Variants in HEATR5B observed in about 807,000 individuals in gnomAD.
HEATR5B encodes the protein HEAT repeat containing 5B.
A neutral mutation model predicts 224.1 loss-of-function variants in HEATR5B; 156 were observed. The ratio of observed to expected loss-of-function variants is 0.70; its 90% CI spans 0.61 to 0.80. The LOEUF (loss-of-function observed/expected upper bound fraction) is 0.80, where lower values mean the gene tolerates loss of function less well. HEATR5B is among the 30% of genes least tolerant of loss of function. HEATR5B has a pLI of 0.00. For synonymous variants in HEATR5B, 1,027 were observed against 893.0 expected, an observed-to-expected ratio of 1.15 and a Z score of -2.68; for missense variants, 2,323 against 2,535.5, an observed-to-expected ratio of 0.92 and a Z score of 1.80.
intron 11 of HEATR5B, among the ~76,000 whole-genome samples, chr2:37,061,178 C>T (rs950377187): frequency 9.2e-5 from 14 of 152,038 alleles, no homozygotes; most frequent in African/African-American, 3.4e-4. Context: ...GTTTTGGGGG[C>T]AATTTATGTG....
At chr2:37,071,300 G>C (rs1473277220) in intron 6 of HEATR5B, among the ~76,000 whole-genome samples, 1 of 152,206 alleles carries the variant, frequency 6.6e-6, no homozygotes, top group Non-Finnish European at 1.5e-5. Flanking sequence ...AGGTGGGGTA[G>C]AGGTAGGGAC....
At chr2:37,063,174 A>C (rs563461296) in intron 10 of HEATR5B, among the ~76,000 whole-genome samples, 1 of 152,232 alleles carries the variant, frequency 6.6e-6, no homozygotes, top group Non-Finnish European at 1.5e-5. Context: ...GCTAATAATG[A>C]CAGCATTTAT....
intron 24 of HEATR5B, among the ~76,000 whole-genome samples, chr2:37,026,503 G>A (rs769499003): frequency 6.6e-6 from 1 of 152,134 alleles, no homozygotes; most frequent in Non-Finnish European, 1.5e-5. Context: ...TGGCTTTATA[G>A]GAAATGAATA....
At chr2:37,018,058 C>G (rs1274716810) in intron 26 of HEATR5B, among the ~76,000 whole-genome samples, 3 of 151,906 alleles carry the variant, frequency 2.0e-5, no homozygotes, top group Non-Finnish European at 4.4e-5. Context: ...ATCATTAAGC[C>G]AACTCCTTAC....
chr2:37,051,079 C>T (rs192180094), intron 17 of HEATR5B, among the ~76,000 whole-genome samples: 14 of 149,956 alleles, frequency 9.3e-5, no homozygotes, highest in East Asian at 5.9e-4. Flanking sequence ...ATGAGGTGGC[C>T]GGGTGCAGTG....
In HEATR5B at chr2:37,076,997, C is replaced by T. The variant is rs1672275490; in HGVS notation, c.361G>A (p.Ala121Thr). The T allele has an allele frequency of 6.2e-7, 1 of 1,613,874 alleles. No homozygotes were observed. The highest frequency in any genetic ancestry group is 1.1e-5 in the South Asian group (1 of 91,080). The change falls in exon 4 of 36, where the codon GCA becomes ACA. Residue 121 changes from alanine to threonine, a missense_variant. By Grantham distance (58) the Ala-to-Thr change is moderately conservative. Around this residue, in one of 12 missense-constraint regions of HEATR5B, gnomAD observed 292 missense variants for 332.6 expected, o/e 0.88. Coordinates refer to ENST00000233099, the MANE Select transcript of HEATR5B (RefSeq NM_019024.3). ...ATTCTCCCCATTTTTTCATAAAATG[C>T]TCCGACACAAGCCACCGCAGCCCTG... ...TKLAAVACVG[A>T]FYEKMGRMLG...
In HEATR5B at chr2:37,007,182, ACT is replaced by A; in HGVS notation, c.4643_4644del (p.Glu1548ValfsTer28). ...CCAGATATTGCTGCTGCTTCTGTAG[ACT>A]CTGAGCACGTAAATCCTGTGCTATT... ...WLNSTGFTCS[E>X]STEAAAISGL... On this transcript the variant is annotated frameshift_variant, in exon 29 of 36. Coordinates refer to ENST00000233099, the MANE Select transcript of HEATR5B (RefSeq NM_019024.3). LOFTEE classifies it high-confidence loss of function. 6.2e-7 allele frequency: 1 copy of A among 1,613,984 alleles called. No homozygotes were observed. The highest frequency in any genetic ancestry group is 8.5e-7 in the Non-Finnish European group (1 of 1,179,992).
chr2:37,040,561 C>A lies in HEATR5B; in HGVS notation c.2857-43G>T. Reference sequence around the variant, plus strand: ...TTCATTTTAGTTGTAAGGAAGAATTCGAATGTACTGAATTGAGTATACTGA... The same window carrying A: ...TTCATTTTAGTTGTAAGGAAGAATTAGAATGTACTGAATTGAGTATACTGA... On this transcript the variant is annotated intron_variant, in intron 19 of 35. Transcript: ENST00000233099. The A allele has an allele frequency of 2.1e-6, 3 of 1,425,496 alleles. No individual in the cohort carries two copies. In the South Asian group the frequency reaches 3.8e-5, roughly 18 times the overall value. 88.3% of individuals were successfully genotyped at this position (1,425,496 alleles called of 1,614,324 possible).
rs1666127252 is a variant in HEATR5B, at chr2:36,988,856, G to C, written c.5701C>G (p.Gln1901Glu). The change falls in exon 35 of 36, where the codon CAA (glutamine) becomes GAA (glutamate). Residue 1901 changes from glutamine to glutamate, a missense_variant. Physicochemically the swap from Gln to Glu is conservative, Grantham distance 29. This residue lies in a region of HEATR5B where 844 missense variants were observed against 812.9 expected (regional missense o/e 1.04). Transcript: ENST00000233099. ...NALNSCDPWV[Q>E]AKCYQLLLSV... ...AGGAGAAGCTGGTAACATTTGGCTT[G>C]AACCTATATAAGAAGAACATATTAT... is the stretch of plus-strand genomic sequence containing the variant. 6.2e-7 allele frequency: 1 copy of C among 1,612,028 alleles called. No individual in the cohort carries two copies. Among genetic ancestry groups the C allele is most frequent in the African/African-American group, 1.3e-5 (1 of 74,858 alleles).
intron 33 of HEATR5B, among the ~76,000 whole-genome samples, chr2:36,999,204 G>A (rs1292922935): frequency 1.3e-5 from 2 of 151,978 alleles, no homozygotes; most frequent in African/African-American, 4.8e-5. Context: ...TGGCAACAGA[G>A]CGAGACGCCA....
At chr2:36,996,807 G>T (rs192836329) in intron 33 of HEATR5B, among the ~76,000 whole-genome samples, 1 of 152,184 alleles carries the variant, frequency 6.6e-6, no homozygotes, top group Non-Finnish European at 1.5e-5. Context: ...GGTCAGGCTG[G>T]TCTTGAACTC....
chr2:37,043,012 TTGA>T (rs1336577246), intron 18 of HEATR5B, among the ~76,000 whole-genome samples: 6 of 151,848 alleles, frequency 4.0e-5, no homozygotes, highest in African/African-American at 1.5e-4. Flanking sequence ...CTGAAGAGTA[TTGA>T]TGATTAACAG....
intron 30 of HEATR5B, 44 bp from the exon 31 acceptor site, chr2:37,003,730 A>C: frequency 7.8e-5 from 107 of 1,373,586 alleles, no homozygotes; most frequent in Non-Finnish European, 9.8e-5. Context: ...TTTCAATCTC[A>C]AAGAATAACT....
chr2:37,032,889 T>G lies in HEATR5B; in HGVS notation c.3217-116A>C, dbSNP rs533223096. 2.5e-4 allele frequency: 236 copies of G among 945,758 alleles called. 3 individuals are homozygous for G. Among genetic ancestry groups the G allele is most frequent in the Middle Eastern group, 1.8e-3 (5 of 2,854 alleles). The allele number at this position is 945,758 out of a possible 1,614,324, so 58.6% of individuals were successfully genotyped here. A position where few individuals can be genotyped will look rare whatever the true frequency, so the allele number is the denominator to read the frequency against. On this transcript the variant is annotated intron_variant, in intron 21 of 35. Transcript: ENST00000233099. The stretch of plus-strand genomic sequence containing the variant: ...ACATATATATGTTTTGTTTTGTTTT[T>G]TTTTTTTTGAGACAGAGTTTTGCTC...
chr2:37,022,972 G>A (rs557118258), intron 24 of HEATR5B, among the ~76,000 whole-genome samples: 34 of 151,814 alleles, frequency 2.2e-4, no homozygotes, highest in African/African-American at 4.8e-4. Context: ...GAGAGAGAGA[G>A]AAAAAAATCA....
intron 32 of HEATR5B, 80 bp downstream of exon 32, chr2:37,002,225 TA>T: frequency 6.8e-7 from 1 of 1,479,076 alleles, no homozygotes; most frequent in Non-Finnish European, 9.4e-7. Flanking sequence ...AACTGGGTTA[TA>T]ACAGTGCTTA....
chr2:36,988,255 TG>T (rs1216747045), intron 35 of HEATR5B, among the ~76,000 whole-genome samples: 3 of 151,354 alleles, frequency 2.0e-5, no homozygotes, highest in South Asian at 2.1e-4. Context: ...AGCAAAGGCC[TG>T]GTTTTTTTTC....
At chr2:37,069,806 T>C (rs1237833723) in intron 7 of HEATR5B, among the ~76,000 whole-genome samples, 6 of 152,160 alleles carry the variant, frequency 3.9e-5, no homozygotes, top group Non-Finnish European at 8.8e-5. Context: ...AAAAGAAACA[T>C]TTCGAAAGAA....
chr2:37,024,634 T>C (rs1233560552), intron 24 of HEATR5B, among the ~76,000 whole-genome samples: 2 of 152,232 alleles, frequency 1.3e-5, no homozygotes, highest in Non-Finnish European at 2.9e-5. Flanking sequence ...AATAAACTAC[T>C]GCCAAAATTT....
Sources: gnomAD v4.1 joint callset for allele counts (sites outside exome capture counted in the v4.1 genomes callset) on GRCh38, gnomAD v4.1.1 for gene constraint, gnomAD v4.1.1 regional missense constraint, MANE v1.5 for transcripts, NCBI Gene and HGNC (gene_info 2026-07-23, HGNC 2026-07-21) for gene names.